Variants in SHCBP1L observed in about 807,000 individuals in gnomAD.
The protein encoded by SHCBP1L is testicular spindle-associated protein SHCBP1L.
SHCBP1L carries 67 observed loss-of-function variants against 62.5 expected under a neutral mutation model. That is an observed-to-expected ratio of 1.07 (90% CI 0.88 to 1.31). The LOEUF (loss-of-function observed/expected upper bound fraction) is 1.31. Ranked by LOEUF, SHCBP1L falls within the 40% of genes most tolerant of loss-of-function variation. The probability of loss-of-function intolerance (pLI) is 0.00; values close to 1 mark genes in which losing one functional copy is unlikely to be tolerated. For missense variants in SHCBP1L, 823 were observed against 809.8 expected, an observed-to-expected ratio of 1.02 and a Z score of -0.20; for synonymous variants, 284 against 289.4, an observed-to-expected ratio of 0.98 and a Z score of 0.19.
At chr1:182,902,882 C>T (rs766418527) in intron 9 of SHCBP1L, among the ~76,000 whole-genome samples, 157 bp downstream of exon 9, 4 of 152,072 alleles carry the variant, frequency 2.6e-5, no homozygotes, top group Admixed American at 2.0e-4. Flanking sequence ...ACTTATTTCC[C>T]AGCAGCTATC....
At chr1:182,924,786 A>AAGAGAGAG (rs370806414) in intron 6 of SHCBP1L, among the ~76,000 whole-genome samples, 14 of 93,010 alleles carry the variant, frequency 1.5e-4, no homozygotes, top group African/African-American at 9.7e-4. Flanking sequence ...GAAAGAAAGA[A>AAGAGAGAG]AGAGAGAAAG....
chr1:182,927,627 A>G (rs750650268), intron 6 of SHCBP1L, among the ~76,000 whole-genome samples: 7 of 146,408 alleles, frequency 4.8e-5, no homozygotes, highest in Admixed American at 2.1e-4. Context: ...AGGCGAGATC[A>G]CGCCACTGCA....
intron 6 of SHCBP1L, among the ~76,000 whole-genome samples, chr1:182,917,880 CAAT>C (rs1650402120): frequency 6.6e-6 from 1 of 151,894 alleles, no homozygotes; most frequent in Non-Finnish European, 1.5e-5. Context: ...GCAATTCTGC[CAAT>C]AACACCCCAA....
intron 6 of SHCBP1L, among the ~76,000 whole-genome samples, chr1:182,924,698 AAG>A (rs1356346996): frequency 1.0e-5 from 1 of 97,218 alleles, no homozygotes; most frequent in African/African-American, 4.9e-5. Flanking sequence ...AAGGAAAGGA[AAG>A]GAAGAAAGAA....
At position 182,904,414 on chromosome 1, in the gene SHCBP1L, C is replaced by T. The variant is rs758139992; in HGVS notation, c.1353G>A (p.Glu451=). The change falls in exon 8 of 10, where the codon GAG becomes GAA. Residue 451 remains glutamate, a synonymous_variant. Transcript: ENST00000367547. ...AAGGTTCAGAAGTAATCATAATTTC[C>T]TCTCTCTTTCCAACTCCTGATTCAT... ...DIIIKGVGKR[E]EIMITSEPSR... The T allele has an allele frequency of 6.2e-7, 1 of 1,614,002 alleles. No individual in the cohort carries two copies. The highest frequency in any genetic ancestry group is 8.5e-7 in the Non-Finnish European group (1 of 1,179,982).
chr1:182,900,339 T>G (rs1293176457), intron 9 of SHCBP1L, 105 bp from the exon 10 acceptor site: 1 of 983,936 alleles, frequency 1.0e-6, no homozygotes, highest in Non-Finnish European at 1.4e-6. Context: ...ATTAACAGAT[T>G]TTTTAAAACA....
intron 5 of SHCBP1L, among the ~76,000 whole-genome samples, chr1:182,931,943 ATTTTTTTTTTTTTTTTTT>A (rs1164377476): frequency 1.4e-5 from 1 of 69,656 alleles, no homozygotes; most frequent in Non-Finnish European, 2.6e-5. Context: ...GGAACCACTG[ATTTTTTTTTTTTTTTTTT>A]TTTTTTTTTT....
intron 6 of SHCBP1L, among the ~76,000 whole-genome samples, chr1:182,920,518 C>T (rs1169217668): frequency 1.3e-5 from 2 of 152,196 alleles, no homozygotes; most frequent in Non-Finnish European, 2.9e-5. Context: ...GCCAGAGTGT[C>T]TTCTTACCGC....
At chr1:182,937,856 C>T (rs1356737870) in intron 5 of SHCBP1L, among the ~76,000 whole-genome samples, 1 of 152,150 alleles carries the variant, frequency 6.6e-6, no homozygotes, top group Non-Finnish European at 1.5e-5. Context: ...CAAAATCATA[C>T]CTGAGTCTCT....
intron 6 of SHCBP1L, among the ~76,000 whole-genome samples, chr1:182,924,669 T>G (rs1031823397): frequency 2.3e-5 from 2 of 86,940 alleles, no homozygotes; most frequent in African/African-American, 1.1e-4. Context: ...CCGATCCAAC[T>G]ACAAAAGAAA....
At position 182,904,436 on chromosome 1, in the gene SHCBP1L, TC is replaced by T; in HGVS notation, c.1337-7del. ...TTCCTCTCTCTTTCCAACTCCTGATTCATAGGGATAAAAATACATTAAATCA... is the reference window on the plus strand; with the variant it reads ...TTCCTCTCTCTTTCCAACTCCTGATTATAGGGATAAAAATACATTAAATCA... On this transcript the variant is annotated splice_polypyrimidine_tract_variant and splice_region_variant and intron_variant, in intron 7 of 9. Transcript: ENST00000367547. 1 of 1,613,492 alleles carries T rather than the reference TC, an allele frequency of 6.2e-7. No homozygotes were observed. The highest frequency in any genetic ancestry group is 8.5e-7 in the Non-Finnish European group (1 of 1,179,804).
intron 6 of SHCBP1L, among the ~76,000 whole-genome samples, chr1:182,928,067 T>C (rs1650840356): frequency 6.6e-6 from 1 of 152,186 alleles, no homozygotes; most frequent in Non-Finnish European, 1.5e-5. Context: ...ATCAACATGA[T>C]TGAATAATAT....
At chr1:182,924,701 GAAGAAAGAAAGA>G (rs199794601) in intron 6 of SHCBP1L, among the ~76,000 whole-genome samples, 428 of 33,202 alleles carry the variant, frequency 0.013, 10 homozygotes, top group Middle Eastern at 0.031. Context: ...GAAAGGAAAG[GAAGAAAGAAAGA>G]AAGAAAGAAA....
chr1:182,946,752 A>G (rs1651580632), intron 2 of SHCBP1L, among the ~76,000 whole-genome samples: 2 of 152,166 alleles, frequency 1.3e-5, no homozygotes, highest in Admixed American at 1.3e-4. Context: ...ATAGTCCAAC[A>G]TGTTCCTGAG....
At position 182,940,741 on chromosome 1, in the gene SHCBP1L, AT is replaced by A. The variant is rs1390400803; in HGVS notation, c.556-199del. Reference sequence around the variant, plus strand: ...TTTACAAACCCTACTTCTTAAATACATTTTTTTTCAGTTTCATGAAAGGAAT... The same window carrying A: ...TTTACAAACCCTACTTCTTAAATACATTTTTTTCAGTTTCATGAAAGGAAT... On this transcript the variant is annotated intron_variant, in intron 2 of 9. Transcript: ENST00000367547. Among the ~76,000 whole-genome samples, 6 of 151,852 alleles carry A rather than the reference AT, an allele frequency of 4.0e-5. No homozygotes were observed. The East Asian group carries it at 7.7e-4, about 20-fold the overall frequency.
intron 5 of SHCBP1L, among the ~76,000 whole-genome samples, chr1:182,936,723 G>C (rs1016471866): frequency 2.6e-5 from 4 of 151,834 alleles, no homozygotes; most frequent in African/African-American, 9.7e-5. Context: ...CCACTATTAT[G>C]TTAAATAGCT....
At chr1:182,936,231 GT>G (rs1651167207) in intron 5 of SHCBP1L, among the ~76,000 whole-genome samples, 1 of 144,016 alleles carries the variant, frequency 6.9e-6, no homozygotes, top group African/African-American at 2.6e-5. Flanking sequence ...CACCTCACAG[GT>G]TCAAGTGATT....
Position 182,940,294 on chromosome 1 carries a change from A to C in SHCBP1L, c.770+35T>G, listed in dbSNP as rs748362708. 5 of 1,556,344 alleles carry C rather than the reference A, an allele frequency of 3.2e-6. No individual in the cohort carries two copies. The African/African-American group carries it at 5.5e-5, about 17-fold the overall frequency. On this transcript the variant is annotated intron_variant, in intron 3 of 9. Transcript: ENST00000367547. ...ACCTTCACATTAACTTTTGGATATAATAAATTTAATTTTCAAAAGTAAAGG... is the reference window on the plus strand; with the variant it reads ...ACCTTCACATTAACTTTTGGATATACTAAATTTAATTTTCAAAAGTAAAGG...
At chr1:182,900,842 G>A (rs1392898884) in intron 9 of SHCBP1L, among the ~76,000 whole-genome samples, 1 of 151,808 alleles carries the variant, frequency 6.6e-6, no homozygotes, top group South Asian at 2.1e-4. Context: ...AGACCTGCCT[G>A]GGCAATATAG....
Sources: allele counts gnomAD v4.1 joint callset (sites outside exome capture counted in the v4.1 genomes callset), GRCh38; gene constraint gnomAD v4.1.1; transcripts MANE v1.5; gene names NCBI Gene and HGNC (gene_info 2026-07-23, HGNC 2026-07-21).